RBFOX1: variants seen among roughly 807,000 people sequenced by gnomAD.
RBFOX1 encodes RNA binding fox-1 homolog 1, also known as RNA binding protein fox-1 homolog 1.
In RBFOX1, 8 loss-of-function variants were observed where a neutral mutation model predicts 57.7. The ratio of observed to expected loss-of-function variants is 0.14; its 90% CI spans 0.08 to 0.25. RBFOX1 has a LOEUF of 0.25. RBFOX1 is among the 10% of genes least tolerant of loss of function. The probability of loss-of-function intolerance (pLI) is 1.00; values close to 1 mark genes in which losing one functional copy is unlikely to be tolerated. For synonymous variants in RBFOX1, 326 were observed against 222.4 expected (o/e 1.47, Z -4.15); for missense variants, 611 against 548.5 (o/e 1.11, Z -1.14).
At chr16:6,235,485 A>G (rs894800288) in intron 1 of RBFOX1, among the ~76,000 whole-genome samples, 2 of 152,060 alleles carry the variant, frequency 1.3e-5, no homozygotes, top group East Asian at 1.9e-4. Flanking sequence ...TGCAATTGCA[A>G]AAATATAGAA....
At chr16:7,380,889 G>A (rs1448314318) in intron 4 of RBFOX1, among the ~76,000 whole-genome samples, 3 of 152,078 alleles carry the variant, frequency 2.0e-5, no homozygotes, top group Non-Finnish European at 4.4e-5. Flanking sequence ...TTCAAGAATC[G>A]CAGGCTTTTT....
chr16:6,677,268 G>A (rs1351938362), intron 3 of RBFOX1, among the ~76,000 whole-genome samples: 6 of 152,152 alleles, frequency 3.9e-5, no homozygotes, highest in Non-Finnish European at 2.9e-5. Flanking sequence ...GCTCCTGTTA[G>A]AAGGCACAGA....
intron 1 of RBFOX1, among the ~76,000 whole-genome samples, chr16:6,067,241 C>T (rs1426249822): frequency 6.6e-6 from 1 of 152,182 alleles, no homozygotes; most frequent in Admixed American, 6.5e-5. Context: ...AGTCTACACA[C>T]AGAAGTTAAG....
intron 10 of RBFOX1, among the ~76,000 whole-genome samples, chr16:7,619,564 G>C (rs1487833872): frequency 1.3e-5 from 2 of 152,148 alleles, no homozygotes; most frequent in African/African-American, 4.8e-5. Context: ...CACAAATAGA[G>C]TCCCTCCTAA....
intron 3 of RBFOX1, among the ~76,000 whole-genome samples, chr16:6,988,638 T>C (rs899023758): frequency 2.6e-5 from 4 of 151,920 alleles, no homozygotes; most frequent in African/African-American, 9.7e-5. Flanking sequence ...AGTGGTGCGA[T>C]CTCGGCTCAC....
chr16:5,984,770 G>A (rs893807127), intron 4 of RBFOX1, among the ~76,000 whole-genome samples: 5 of 151,744 alleles, frequency 3.3e-5, no homozygotes, highest in Admixed American at 6.6e-5. Context: ...CCACCTAGGC[G>A]GTATGTTCTG....
At chr16:5,879,337 A>G (rs1189091114) in intron 4 of RBFOX1, among the ~76,000 whole-genome samples, 2 of 152,220 alleles carry the variant, frequency 1.3e-5, no homozygotes, top group African/African-American at 2.4e-5. Context: ...GGTTCTTTCC[A>G]GATCTTGCAA....
At chr16:7,708,674 T>C (rs1350664008) in intron 14 of RBFOX1, among the ~76,000 whole-genome samples, 1 of 152,196 alleles carries the variant, frequency 6.6e-6, no homozygotes, top group African/African-American at 2.4e-5. Flanking sequence ...AAAAAGGCAC[T>C]CTCTTGAGAA....
intron 4 of RBFOX1, among the ~76,000 whole-genome samples, chr16:7,212,165 G>A (rs2091268356): frequency 6.6e-6 from 1 of 152,192 alleles, no homozygotes; most frequent in Non-Finnish European, 1.5e-5. Flanking sequence ...GATCCGGGAG[G>A]ACTGCTTGGG....
intron 3 of RBFOX1, among the ~76,000 whole-genome samples, chr16:7,043,393 C>G (rs992878488): frequency 1.3e-5 from 2 of 152,170 alleles, no homozygotes; most frequent in African/African-American, 4.8e-5. Flanking sequence ...TAGCACAGCG[C>G]TAGGCAGTTA....
At chr16:5,999,849 C>A (rs372372787) in intron 4 of RBFOX1, among the ~76,000 whole-genome samples, 2 of 110,550 alleles carry the variant, frequency 1.8e-5, no homozygotes, top group African/African-American at 3.5e-5. Flanking sequence ...GCCTGGGCGA[C>A]AGAGCGAGAC....
chr16:7,419,430 C>T (rs73554634), intron 4 of RBFOX1, among the ~76,000 whole-genome samples: 9,149 of 152,294 alleles, frequency 0.06, 710 homozygotes, highest in East Asian at 0.32. Context: ...CAGCATCCCA[C>T]TCCCGCCTTG....
At chr16:5,538,718 C>T (rs1459163051) in intron 2 of RBFOX1, among the ~76,000 whole-genome samples, 1 of 151,808 alleles carries the variant, frequency 6.6e-6, no homozygotes, top group Non-Finnish European at 1.5e-5. Flanking sequence ...CTTCGCCTTC[C>T]CGGATTCAAG....
intron 2 of RBFOX1, among the ~76,000 whole-genome samples, chr16:5,485,916 C>G (rs1239436136): frequency 1.3e-5 from 2 of 152,146 alleles, no homozygotes; most frequent in African/African-American, 4.8e-5. Flanking sequence ...TCCCCATCTG[C>G]AAAATGGAGA....
intron 2 of RBFOX1, among the ~76,000 whole-genome samples, chr16:6,639,345 A>T (rs1029110904): frequency 6.6e-6 from 1 of 152,150 alleles, no homozygotes; most frequent in African/African-American, 2.4e-5. Context: ...GGATCTTTAC[A>T]AGAGCGGTTT....
rs2095026655 is a variant in RBFOX1 at position 6,019,487 on chromosome 16, C to G, written c.-632C>G. 9.9e-7 allele frequency: 1 copy of G among 1,011,588 alleles called. No individual in the cohort carries two copies. The allele number at this position is 1,011,588 out of a possible 1,614,324, so 62.7% of individuals were successfully genotyped here. On this transcript the variant is annotated 5_prime_UTR_variant, in exon 1 of 16. Coordinates refer to ENST00000550418, the MANE Select transcript of RBFOX1 (RefSeq NM_018723.4). This position sits in a 1 kb window ranked among gnomAD's most constrained non-coding sequence, Gnocchi z 4.2. Reference sequence around the variant, plus strand: ...CGGAGGGGAATCCCTCCCCCTCCGCCCCAGCCCCCCAGCAGCACCCGCGGT... The same window carrying G: ...CGGAGGGGAATCCCTCCCCCTCCGCGCCAGCCCCCCAGCAGCACCCGCGGT...
Position 7,275,631 on chromosome 16 carries a change from C to CTGTGAATCTGTG in RBFOX1, c.27+223533_27+223534insTGTGAATCTGTG, listed in dbSNP as rs749536154. ...ATGGTAGGTTGGATTGAAATCTGTG[C>CTGTGAATCTGTG]AAATGATGAGCTTATCTGTTTCGGG... On this transcript the variant is annotated intron_variant, in intron 4 of 15. Transcript: ENST00000550418. Among the ~76,000 whole-genome samples the CTGTGAATCTGTG allele has an allele frequency of 8.0e-3, 1,222 of 152,312 alleles. 8 individuals carry two copies. Among genetic ancestry groups the CTGTGAATCTGTG allele is most frequent in the Middle Eastern group, 0.017 (5 of 294 alleles).
chr16:6,741,804 A>C (rs1209494803), intron 3 of RBFOX1, among the ~76,000 whole-genome samples: 1 of 152,192 alleles, frequency 6.6e-6, no homozygotes. Context: ...ATTTATGAAG[A>C]AGTGAAATGG....
chr16:6,741,595 G>C (rs143889410), intron 3 of RBFOX1, among the ~76,000 whole-genome samples: 1 of 151,820 alleles, frequency 6.6e-6, no homozygotes, highest in African/African-American at 2.4e-5. Flanking sequence ...CTTGAACTGC[G>C]GAGGTGGAGG....
Sources: gnomAD v4.1 joint callset for allele counts (sites outside exome capture counted in the v4.1 genomes callset) on GRCh38, gnomAD v4.1.1 for gene constraint, Gnocchi (gnomAD v3.1) non-coding constraint, MANE v1.5 for transcripts, NCBI Gene and HGNC (gene_info 2026-07-23, HGNC 2026-07-21) for gene names.